The following AQR variants were observed in gnomAD, a reference collection of about 807,000 sequenced individuals.
AQR encodes RNA helicase aquarius.
In AQR, 61 loss-of-function variants were observed where a neutral mutation model predicts 180.5. That is an observed-to-expected ratio of 0.34 (90% confidence interval 0.28 to 0.42). The LOEUF is 0.42. Ranked by LOEUF, AQR falls within the 10% of genes least tolerant of loss-of-function variation. The pLI, the probability that AQR is intolerant of heterozygous loss-of-function variation, is 1.00. For synonymous variants in AQR, 551 were observed against 588.8 expected, an observed-to-expected ratio of 0.94 and a Z score of 0.93; for missense variants, 1,281 against 1,798.3, an observed-to-expected ratio of 0.71 and a Z score of 5.20.
At chr15:34,944,516 T>C (rs1894080705) in intron 5 of AQR, 88 bp from the exon 6 acceptor site, 2 of 1,326,100 alleles carry the variant, frequency 1.5e-6, no homozygotes, top group Non-Finnish European at 2.0e-6. Context: ...AGCAGTCTAT[T>C]AAAAAAACCA....
Position 34,931,800 on chromosome 15 carries a change from C to T in AQR, c.900+518G>A, listed in dbSNP as rs1048457646. ...CTGCACTCCAGCCCGGGTGACAGAG[C>T]GAACTGTGTCTCCATAAACAAAACA... On this transcript the variant is annotated intron_variant, in intron 11 of 34. Transcript: ENST00000156471. Among the ~76,000 whole-genome samples the T allele has an allele frequency of 3.9e-4, 60 of 152,100 alleles. 1 individual carries two copies. The highest frequency in any genetic ancestry group is 1.4e-3 in the African/African-American group (56 of 41,404).
At chr15:34,874,599 C>A (rs1595782900) in intron 29 of AQR, 78 bp downstream of exon 29, 1 of 1,550,224 alleles carries the variant, frequency 6.5e-7, no homozygotes, top group Non-Finnish European at 8.8e-7. Context: ...ATAGTCTACA[C>A]AAAAGCTATT....
intron 16 of AQR, among the ~76,000 whole-genome samples, chr15:34,911,322 G>A (rs1419237991): frequency 2.0e-5 from 3 of 152,224 alleles, no homozygotes; most frequent in East Asian, 3.9e-4. Context: ...TGGGTTTGCT[G>A]GATCATATGA....
intron 11 of AQR, among the ~76,000 whole-genome samples, chr15:34,930,818 CTTTTTTTTTTTTT>C (rs77229498): frequency 0.025 from 2,137 of 84,710 alleles, 48 homozygotes; most frequent in African/African-American, 0.1. Context: ...TACGCCACTT[CTTTTTTTTTTTTT>C]TTTTTTTTTT....
At chr15:34,909,858 C>A (rs1028207071) in intron 17 of AQR, among the ~76,000 whole-genome samples, 3 of 152,108 alleles carry the variant, frequency 2.0e-5, no homozygotes, top group African/African-American at 7.2e-5. Context: ...ATGCTCTCCT[C>A]TAGGCTTTGC....
intron 33 of AQR, among the ~76,000 whole-genome samples, chr15:34,861,148 T>A (rs1398027516): frequency 1.3e-5 from 2 of 152,214 alleles, no homozygotes; most frequent in African/African-American, 2.4e-5. Context: ...AATCTCAAAG[T>A]GAAAAGTTAT....
chr15:34,908,410 T>A lies in AQR; in HGVS notation c.1664-1698A>T, dbSNP rs560429232. On this transcript the variant is annotated intron_variant, in intron 17 of 34. Transcript: ENST00000156471. ...GAGATTGTGCCACTGCCCTCCAGACTGGGCGACAGAGTGAGACTCCGTCTA... is the reference window on the plus strand; with the variant it reads ...GAGATTGTGCCACTGCCCTCCAGACAGGGCGACAGAGTGAGACTCCGTCTA... Among the ~76,000 whole-genome samples, 7 of 152,026 alleles carry A rather than the reference T, an allele frequency of 4.6e-5. 1 individual carries two copies. In the South Asian group the frequency reaches 1.5e-3, roughly 32 times the overall value.
At chr15:34,915,391 T>C (rs958594488) in intron 15 of AQR, among the ~76,000 whole-genome samples, 2 of 151,530 alleles carry the variant, frequency 1.3e-5, no homozygotes, top group African/African-American at 2.4e-5. Flanking sequence ...AGGGTTTCAC[T>C]ATGTTGGCCA....
chr15:34,898,530 G>T (rs550863180), intron 20 of AQR, among the ~76,000 whole-genome samples: 1 of 152,294 alleles, frequency 6.6e-6, no homozygotes, highest in South Asian at 2.1e-4. Flanking sequence ...AGGGAGGAAA[G>T]ATTTTGCTAT....
chr15:34,856,869 C>A lies in AQR; in HGVS notation c.4381G>T (p.Val1461Leu). 6.2e-7 allele frequency: 1 copy of A among 1,613,010 alleles called. No individual in the cohort carries two copies. Among genetic ancestry groups the A allele is most frequent in the Non-Finnish European group, 8.5e-7 (1 of 1,179,470 alleles). The change falls in exon 35 of 35, where the codon GTG becomes TTG. Residue 1461 changes from valine (V) to leucine (L), a missense_variant. Transcript: ENST00000156471. ...GCCGGTGCAGATACAGCTCCTACCA[C>A]AGTAGGGGTGGTCTCAGATAAAGCA... ...IPALSETTPTVVGAVSAPAEA... is the reference protein window; with the variant it reads ...IPALSETTPTLVGAVSAPAEA...
At chr15:34,878,837 G>A (rs1892926373) in intron 27 of AQR, among the ~76,000 whole-genome samples, 1 of 152,072 alleles carries the variant, frequency 6.6e-6, no homozygotes, top group African/African-American at 2.4e-5. Context: ...AGACCAACCT[G>A]GCCAACATGG....
intron 14 of AQR, among the ~76,000 whole-genome samples, chr15:34,919,580 C>T (rs1418414300): frequency 6.6e-6 from 1 of 152,126 alleles, no homozygotes; most frequent in Non-Finnish European, 1.5e-5. Flanking sequence ...ACGTTATCCT[C>T]AAACTTATTT....
intron 13 of AQR, among the ~76,000 whole-genome samples, chr15:34,924,064 T>G (rs547795047): frequency 2.6e-5 from 4 of 152,300 alleles, no homozygotes; most frequent in African/African-American, 7.2e-5. Flanking sequence ...ATTTTTCAGA[T>G]TAATTCATTT....
rs541095080 is a variant in AQR, at chr15:34,928,584, T to A, written c.1015-1446A>T. Among the ~76,000 whole-genome samples the A allele has an allele frequency of 6.1e-4, 93 of 152,322 alleles. 2 individuals are homozygous for A. The South Asian group carries it at 7.7e-3, about 13-fold the overall frequency. ...GTGTATATGTGCCACATTTTCTTTA[T>A]CCAGTCTATCGTTGATGGGTTGGTT... On this transcript the variant is annotated intron_variant, in intron 12 of 34. Transcript: ENST00000156471.
intron 23 of AQR, among the ~76,000 whole-genome samples, chr15:34,892,223 T>A (rs776013182): frequency 1.3e-5 from 2 of 152,204 alleles, no homozygotes; most frequent in Non-Finnish European, 2.9e-5. Flanking sequence ...TGTTCTTCCC[T>A]CATTTCTGAC....
At chr15:34,963,091 C>T (rs1595813474) in intron 2 of AQR, among the ~76,000 whole-genome samples, 2 of 152,264 alleles carry the variant, frequency 1.3e-5, no homozygotes, top group South Asian at 2.1e-4. Flanking sequence ...GTCATCCTCC[C>T]GCTTCAGCTT....
At chr15:34,921,124 CA>C (rs758907206) in intron 13 of AQR, among the ~76,000 whole-genome samples, 1 of 152,034 alleles carries the variant, frequency 6.6e-6, no homozygotes, top group Non-Finnish European at 1.5e-5. Flanking sequence ...ATTTTGCACA[CA>C]ACTTTTACTT....
chr15:34,879,027 C>CA (rs746355296), intron 27 of AQR, among the ~76,000 whole-genome samples: 3,583 of 126,476 alleles, frequency 0.028, 41 homozygotes, highest in Non-Finnish European at 0.034. Context: ...GGCTCTGTCT[C>CA]AAAAAAAAAA....
In AQR at chr15:34,944,514, A is replaced by G; in HGVS notation, c.331-86T>C. 5 of 1,375,708 alleles carry G rather than the reference A, an allele frequency of 3.6e-6. No homozygotes were observed. The South Asian group carries it at 8.1e-5, about 22-fold the overall frequency. The allele number at this position is 1,375,708 out of a possible 1,614,324, so 85.2% of individuals were successfully genotyped here. On this transcript the variant is annotated intron_variant, in intron 5 of 34. Transcript: ENST00000156471. ...GCCCTAGTAGGCTTTTTAGCAGTCT[A>G]TTAAAAAAACCAAATAATTACAAAA...
Sources: gnomAD v4.1 joint callset for allele counts (sites outside exome capture counted in the v4.1 genomes callset) on GRCh38, gnomAD v4.1.1 for gene constraint, MANE v1.5 for transcripts, NCBI Gene and HGNC (gene_info 2026-07-23, HGNC 2026-07-21) for gene names.